The following MAF variants were observed in gnomAD, a reference collection of about 807,000 sequenced individuals.
MAF encodes MAF bZIP transcription factor, also known as transcription factor Maf.
In MAF, 10 loss-of-function variants were observed where a neutral mutation model predicts 22.0. That is an observed-to-expected ratio of 0.45 (90% CI 0.28 to 0.77). The LOEUF (loss-of-function observed/expected upper bound fraction) is 0.77, where lower values mean the gene tolerates loss of function less well. Ranked by LOEUF, MAF falls within the 30% of genes least tolerant of loss-of-function variation. MAF has a pLI of 0.12. For synonymous variants in MAF, 337 were observed against 255.8 expected (o/e 1.32, Z -3.03); for missense variants, 544 against 548.4 (o/e 0.99, Z 0.08).
chr16:79,204,742 A>G, the MAF span: 3 of 152,164 alleles, frequency 2.0e-5, no homozygotes, highest in Non-Finnish European at 4.4e-5. Flanking sequence ...CAGAACAAAC[A>G]TGGCTTTGGA....
chr16:79,576,730 T>C, the MAF span, among the ~76,000 whole-genome samples: 2 of 152,286 alleles, frequency 1.3e-5, no homozygotes, highest in Non-Finnish European at 2.9e-5. Context: ...TATAATATTG[T>C]CCAAGGCCAA....
chr16:79,471,902 C>G, the MAF span, among the ~76,000 whole-genome samples: 123 of 152,158 alleles, frequency 8.1e-4, no homozygotes, highest in Non-Finnish European at 1.4e-3. Context: ...TGAGTGACAT[C>G]ACTGACAACT....
chr16:79,285,982 C>T, the MAF span, among the ~76,000 whole-genome samples: 5 of 152,144 alleles, frequency 3.3e-5, no homozygotes, highest in Admixed American at 6.5e-5. Context: ...TTCTACAGCA[C>T]GACAGTGTGT....
chr16:79,366,595 G>C, the MAF span, among the ~76,000 whole-genome samples: 2 of 152,168 alleles, frequency 1.3e-5, no homozygotes, highest in Non-Finnish European at 2.9e-5. Context: ...CTTTGATCAA[G>C]GAAACTTGAG....
At chr16:79,294,058 G>A in the MAF span, among the ~76,000 whole-genome samples, 2 of 152,186 alleles carry the variant, frequency 1.3e-5, no homozygotes, top group African/African-American at 2.4e-5. Flanking sequence ...GGGTAATTAA[G>A]ATTCCATCAC....
chr16:79,316,333 C>T, the MAF span, among the ~76,000 whole-genome samples: 9 of 152,170 alleles, frequency 5.9e-5, no homozygotes, highest in African/African-American at 1.4e-4. Context: ...TGCATCTCTC[C>T]GCAGAGCTCT....
At chr16:79,256,276 T>C in the MAF span, among the ~76,000 whole-genome samples, 1 of 151,746 alleles carries the variant, frequency 6.6e-6, no homozygotes, top group Non-Finnish European at 1.5e-5. Flanking sequence ...GTGTGAGTCA[T>C]TGCACCCGGC....
At chr16:79,260,689 A>G in the MAF span, among the ~76,000 whole-genome samples, 1 of 152,238 alleles carries the variant, frequency 6.6e-6, no homozygotes, top group Non-Finnish European at 1.5e-5. Context: ...CAGGCGAAGC[A>G]TCGGTGCCTG....
the MAF span, among the ~76,000 whole-genome samples, chr16:79,395,984 C>G: frequency 5.3e-5 from 8 of 152,204 alleles, no homozygotes; most frequent in Non-Finnish European, 1.5e-5. Context: ...ATAATTGCCT[C>G]AGTTCCGGCT....
chr16:79,356,080 C>G, the MAF span, among the ~76,000 whole-genome samples: 1 of 151,970 alleles, frequency 6.6e-6, no homozygotes, highest in Non-Finnish European at 1.5e-5. Flanking sequence ...CCCAGGCACT[C>G]TCACCTACAC....
the MAF span, among the ~76,000 whole-genome samples, chr16:79,424,754 G>A: frequency 6.6e-6 from 1 of 152,092 alleles, no homozygotes; most frequent in Non-Finnish European, 1.5e-5. Context: ...AACCAACTCT[G>A]TATGGCTGTT....
chr16:79,303,437 C>T, the MAF span, among the ~76,000 whole-genome samples: 1 of 152,154 alleles, frequency 6.6e-6, no homozygotes, highest in African/African-American at 2.4e-5. Flanking sequence ...GCACGGGGCT[C>T]TCAACACTAC....
At chr16:79,294,196 T>C in the MAF span, among the ~76,000 whole-genome samples, 11 of 152,210 alleles carry the variant, frequency 7.2e-5, no homozygotes, top group African/African-American at 2.7e-4. Flanking sequence ...TCTTTGAATA[T>C]CAAGAGCTCC....
chr16:79,323,098 G>A, the MAF span, among the ~76,000 whole-genome samples: 3 of 136,174 alleles, frequency 2.2e-5, no homozygotes, highest in South Asian at 7.5e-4. Flanking sequence ...TGCAGTGAGT[G>A]GAGATCAGCC....
At chr16:79,350,623 T>C in the MAF span, among the ~76,000 whole-genome samples, 2 of 152,264 alleles carry the variant, frequency 1.3e-5, no homozygotes, top group East Asian at 3.9e-4. Flanking sequence ...TTCTCTGTCC[T>C]TCCCAGCCAA....
chr16:79,461,524 G>A, the MAF span, among the ~76,000 whole-genome samples: 1 of 152,102 alleles, frequency 6.6e-6, no homozygotes, highest in Non-Finnish European at 1.5e-5. Context: ...GGCCAAAAAG[G>A]CTCTTTGTCA....
chr16:79,471,575 G>T, the MAF span, among the ~76,000 whole-genome samples: 1 of 152,178 alleles, frequency 6.6e-6, no homozygotes. Flanking sequence ...TGCTAGGGCG[G>T]CTGAGGTAGG....
the MAF span, among the ~76,000 whole-genome samples, chr16:79,356,409 G>C: frequency 2.0e-4 from 31 of 152,226 alleles, no homozygotes; most frequent in African/African-American, 7.5e-4. Flanking sequence ...GCGCTTTTCT[G>C]GGTCTAAATC....
chr16:79,526,371 G>T, the MAF span, among the ~76,000 whole-genome samples: 1 of 152,318 alleles, frequency 6.6e-6, no homozygotes, highest in African/African-American at 2.4e-5. Flanking sequence ...ATCTGATGCT[G>T]CTGCTGATTT....
Sources: allele counts gnomAD v4.1 joint callset (sites outside exome capture counted in the v4.1 genomes callset), GRCh38; gene constraint gnomAD v4.1.1; transcripts MANE v1.5; gene names NCBI Gene and HGNC (gene_info 2026-07-23, HGNC 2026-07-21).